Variants in DPP10 observed in about 807,000 individuals in gnomAD.
DPP10 encodes the protein dipeptidyl peptidase like 10, also known as inactive dipeptidyl peptidase 10.
A neutral mutation model predicts 120.9 loss-of-function variants in DPP10; 33 were observed. The observed-to-expected ratio is 0.27, with a 90% confidence interval of 0.21 to 0.37. DPP10 has a LOEUF of 0.37. Ranked by LOEUF, DPP10 falls within the 10% of genes least tolerant of loss-of-function variation. The pLI is 1.00. For synonymous variants in DPP10, 337 were observed against 326.1 expected, an observed-to-expected ratio of 1.03 and a Z score of -0.36; for missense variants, 816 against 942.8, an observed-to-expected ratio of 0.87 and a Z score of 1.76.
At chr2:114,735,103 GC>G (rs1558684869) in intron 1 of DPP10, among the ~76,000 whole-genome samples, 1 of 152,080 alleles carries the variant, frequency 6.6e-6, no homozygotes, top group African/African-American at 2.4e-5. Context: ...CTTTCTGAAA[GC>G]CCTATCTCCA....
At chr2:114,794,842 C>T (rs775324217) in intron 1 of DPP10, among the ~76,000 whole-genome samples, 4 of 151,994 alleles carry the variant, frequency 2.6e-5, no homozygotes, top group South Asian at 2.1e-4. Flanking sequence ...TTTTTTCATT[C>T]GCGTTATTAA....
At chr2:114,942,177 G>A (rs1181988265) in intron 1 of DPP10, among the ~76,000 whole-genome samples, 1 of 150,624 alleles carries the variant, frequency 6.6e-6, no homozygotes, top group African/African-American at 2.4e-5. Flanking sequence ...GGAGACTAAA[G>A]CAGGAGAATG....
At chr2:115,572,860 C>A (rs2081420107) in intron 5 of DPP10, among the ~76,000 whole-genome samples, 1 of 152,080 alleles carries the variant, frequency 6.6e-6, no homozygotes, top group South Asian at 2.1e-4. Flanking sequence ...AAATACCTGA[C>A]TTTTGTAAGC....
In DPP10 at chr2:115,598,534, G is replaced by A. The variant is rs573600044; in HGVS notation, c.441+72562G>A. ...TATATAACAGTATACTTCAATTTTT[G>A]TAGCATTTTGTGTAAAATATAGAAA... On this transcript the variant is annotated intron_variant, in intron 5 of 25. Coordinates refer to ENST00000410059, the MANE Select transcript of DPP10 (RefSeq NM_020868.6). Among the ~76,000 whole-genome samples, 40 of 151,596 alleles carry A rather than the reference G, an allele frequency of 2.6e-4. 1 individual carries two copies. Among genetic ancestry groups the A allele is most frequent in the African/African-American group, 8.0e-4 (33 of 41,398 alleles).
chr2:115,125,555 T>C (rs1305088972), intron 1 of DPP10, among the ~76,000 whole-genome samples: 3 of 148,910 alleles, frequency 2.0e-5, no homozygotes, highest in African/African-American at 4.9e-5. Context: ...CTAAGTTCAA[T>C]AGATCATAAT....
chr2:115,816,557 G>A (rs1348304474), intron 21 of DPP10, among the ~76,000 whole-genome samples: 1 of 151,844 alleles, frequency 6.6e-6, no homozygotes, highest in African/African-American at 2.4e-5. Context: ...TATTTTGACA[G>A]TGGGAAAATA....
intron 3 of DPP10, among the ~76,000 whole-genome samples, chr2:115,450,131 C>A (rs565231670): frequency 2.0e-5 from 3 of 151,832 alleles, no homozygotes; most frequent in African/African-American, 4.8e-5. Context: ...GTCAAAAATG[C>A]GTTAAATACT....
At chr2:115,457,940 G>A (rs2073706326) in intron 3 of DPP10, among the ~76,000 whole-genome samples, 1 of 152,006 alleles carries the variant, frequency 6.6e-6, no homozygotes. Flanking sequence ...GGATAAAAAT[G>A]TATATATATA....
At chr2:115,410,283 T>C (rs569519310) in intron 3 of DPP10, among the ~76,000 whole-genome samples, 21 of 152,312 alleles carry the variant, frequency 1.4e-4, no homozygotes, top group African/African-American at 5.1e-4. Context: ...ATATACATCA[T>C]AGAATACTAT....
chr2:115,230,964 G>A (rs539392279), intron 1 of DPP10, among the ~76,000 whole-genome samples: 2 of 152,054 alleles, frequency 1.3e-5, no homozygotes, highest in South Asian at 4.1e-4. Flanking sequence ...TGAGTTAGGG[G>A]AAGCAAGGTG....
intron 19 of DPP10, among the ~76,000 whole-genome samples, chr2:115,800,682 T>C (rs1685111802): frequency 6.6e-6 from 1 of 152,224 alleles, no homozygotes; most frequent in South Asian, 2.1e-4. Flanking sequence ...GCATCATTTG[T>C]TAAATAGGGA....
At chr2:115,111,768 A>C (rs2049234009) in intron 1 of DPP10, among the ~76,000 whole-genome samples, 1 of 152,240 alleles carries the variant, frequency 6.6e-6, no homozygotes, top group Admixed American at 6.5e-5. Flanking sequence ...AGCAATCCTC[A>C]AGAGGTAGAT....
chr2:115,000,252 C>G (rs1701352303), intron 1 of DPP10, among the ~76,000 whole-genome samples: 1 of 151,812 alleles, frequency 6.6e-6, no homozygotes, highest in African/African-American at 2.4e-5. Flanking sequence ...ATTTTAAAAT[C>G]TAATTCATTA....
chr2:115,844,476 A>G lies in DPP10; in HGVS notation c.*2131A>G, dbSNP rs942649264. ...AACCCGTTTTCCCCTTAAACACTAA[A>G]GAGACCTCAAGTGAAAGCATATTGC... On this transcript the variant is annotated 3_prime_UTR_variant, in exon 26 of 26. Transcript: ENST00000410059. 6.6e-6 allele frequency: 1 copy of G among 152,556 alleles called. No individual in the cohort carries two copies. Among genetic ancestry groups the G allele is most frequent in the Non-Finnish European group, 1.5e-5 (1 of 68,024 alleles). 9.5% of individuals were successfully genotyped at this position (152,556 alleles called of 1,614,324 possible).
intron 1 of DPP10, among the ~76,000 whole-genome samples, chr2:114,656,695 CAT>C (rs1253492418): frequency 1.3e-5 from 2 of 151,990 alleles, no homozygotes; most frequent in African/African-American, 4.8e-5. Flanking sequence ...TGTTTGTGCA[CAT>C]GTGTGGTGAT....
chr2:114,731,843 C>A (rs908416615), intron 1 of DPP10, among the ~76,000 whole-genome samples: 2 of 152,132 alleles, frequency 1.3e-5, no homozygotes, highest in Admixed American at 1.3e-4. Flanking sequence ...TTAGAGCAAG[C>A]AGACAAGGGT....
At chr2:115,192,027 G>A (rs1458689180) in intron 1 of DPP10, among the ~76,000 whole-genome samples, 5 of 152,166 alleles carry the variant, frequency 3.3e-5, no homozygotes, top group Non-Finnish European at 7.3e-5. Context: ...TCTCAACAGG[G>A]TAATAGGCCT....
At chr2:115,342,476 A>G (rs1038692924) in intron 2 of DPP10, among the ~76,000 whole-genome samples, 2 of 152,032 alleles carry the variant, frequency 1.3e-5, no homozygotes, top group African/African-American at 4.8e-5. Context: ...GGCCTCGCAA[A>G]GTGCTGGGAT....
intron 1 of DPP10, among the ~76,000 whole-genome samples, chr2:114,745,892 A>G (rs528931892): frequency 6.6e-6 from 1 of 152,222 alleles, no homozygotes; most frequent in African/African-American, 2.4e-5. Flanking sequence ...TTCTCATCTC[A>G]TGCTGAGTCA....
Sources: gnomAD v4.1 joint callset for allele counts (sites outside exome capture counted in the v4.1 genomes callset) on GRCh38, gnomAD v4.1.1 for gene constraint, MANE v1.5 for transcripts, NCBI Gene and HGNC (gene_info 2026-07-23, HGNC 2026-07-21) for gene names.